TSPAN8: variants seen among roughly 807,000 people sequenced by gnomAD.
TSPAN8 encodes tetraspanin 8, also known as tetraspanin-8.
TSPAN8 carries 21 observed loss-of-function variants against 32.8 expected under a neutral mutation model. That is an observed-to-expected ratio of 0.64 (90% CI 0.45 to 0.92). The LOEUF is 0.92. Ranked by LOEUF, TSPAN8 falls within the 40% of genes least tolerant of loss-of-function variation. The pLI, the probability that TSPAN8 is intolerant of heterozygous loss-of-function variation, is 0.00. For synonymous variants in TSPAN8, 95 were observed against 94.6 expected (o/e 1.00, Z -0.03); for missense variants, 269 against 281.9 (o/e 0.95, Z 0.33).
At chr12:71,157,889 T>C in intron 1 of TSPAN8, 41 bp downstream of exon 1, 1 of 543,594 alleles carries the variant, frequency 1.8e-6, no homozygotes, top group Non-Finnish European at 3.3e-6. Context: ...GCAAAGGCTA[T>C]TAACCCACAC....
At chr12:71,143,573 A>T (rs538684507) in intron 3 of TSPAN8, among the ~76,000 whole-genome samples, 1 of 152,318 alleles carries the variant, frequency 6.6e-6, no homozygotes, top group African/African-American at 2.4e-5. Flanking sequence ...CCAGAGAATT[A>T]CTGAGTTTCA....
At chr12:71,154,541 A>G (rs1872364720) in intron 2 of TSPAN8, among the ~76,000 whole-genome samples, 1 of 152,084 alleles carries the variant, frequency 6.6e-6, no homozygotes, top group African/African-American at 2.4e-5. Context: ...TTAATGAAAC[A>G]CTGACCTCTG....
chr12:71,150,115 C>T (rs1181297926), intron 2 of TSPAN8, among the ~76,000 whole-genome samples: 2 of 152,180 alleles, frequency 1.3e-5, no homozygotes, highest in African/African-American at 4.8e-5. Flanking sequence ...CTGCAGTACC[C>T]TCAGGCTTAC....
chr12:71,149,557 T>C (rs1320110136), intron 2 of TSPAN8, among the ~76,000 whole-genome samples: 1 of 152,216 alleles, frequency 6.6e-6, no homozygotes, highest in Non-Finnish European at 1.5e-5. Flanking sequence ...CCCCATATTG[T>C]TGCAGGAAGT....
rs1435617920 is a variant in TSPAN8, at chr12:71,144,209, C to T, written c.65G>A (p.Cys22Tyr). The T allele has an allele frequency of 6.2e-7, 1 of 1,610,640 alleles. No homozygotes were observed. The change falls in exon 3 of 9, where the codon TGT becomes TAT. Residue 22 changes from cysteine (C) to tyrosine (Y), a missense_variant. Coordinates refer to ENST00000247829, the MANE Select transcript of TSPAN8 (RefSeq NM_004616.3). ...TGCTAATGCTAGGATCAAGATACCA[C>T]ATAGCTGCAGAAAAAAACAAACAAA... is the stretch of plus-strand genomic sequence containing the variant. ...MFTFNFLFWL[C>Y]GILILALAIW...
At chr12:71,140,927 C>T (rs1871884388) in intron 3 of TSPAN8, among the ~76,000 whole-genome samples, 1 of 152,158 alleles carries the variant, frequency 6.6e-6, no homozygotes, top group Non-Finnish European at 1.5e-5. Context: ...TAGGTCAGCT[C>T]CCTTAACAGT....
At position 71,125,405 on chromosome 12, in the gene TSPAN8, A is replaced by T. The variant is rs756540910; in HGVS notation, c.661-18T>A. ...CCCAGTATCTAGAGAACAAAATAAC[A>T]GGATTAACATGGAATTTAAGGGAAA... On this transcript the variant is annotated intron_variant, in intron 8 of 8. Coordinates refer to ENST00000247829, the MANE Select transcript of TSPAN8 (RefSeq NM_004616.3). 3.7e-6 allele frequency: 6 copies of T among 1,604,042 alleles called. No homozygotes were observed. The East Asian group carries it at 1.3e-4, about 36-fold the overall frequency.
At chr12:71,152,928 T>C (rs73341877) in intron 2 of TSPAN8, among the ~76,000 whole-genome samples, 2,561 of 152,340 alleles carry the variant, frequency 0.017, 72 homozygotes, top group African/African-American at 0.058. Context: ...TCCTGGACTC[T>C]CTCCAAGTTC....
At chr12:71,125,811 A>C (rs1871333942) in intron 8 of TSPAN8, among the ~76,000 whole-genome samples, 1 of 152,222 alleles carries the variant, frequency 6.6e-6, no homozygotes, top group South Asian at 2.1e-4. Flanking sequence ...AATCATCTGC[A>C]TAAAAATCAA....
chr12:71,134,472 A>T (rs1302575505), intron 6 of TSPAN8, among the ~76,000 whole-genome samples: 1 of 152,240 alleles, frequency 6.6e-6, no homozygotes, highest in African/African-American at 2.4e-5. Flanking sequence ...GGCAGATACG[A>T]AGTCTTGTAC....
intron 3 of TSPAN8, among the ~76,000 whole-genome samples, chr12:71,143,306 G>A (rs1002717426): frequency 1.1e-4 from 16 of 152,146 alleles, no homozygotes; most frequent in Admixed American, 4.6e-4. Flanking sequence ...ATTATGTTCC[G>A]TAAAACTGAC....
chr12:71,138,455 A>T (rs1488375874), intron 4 of TSPAN8, among the ~76,000 whole-genome samples: 4 of 152,186 alleles, frequency 2.6e-5, no homozygotes, highest in Non-Finnish European at 4.4e-5. Flanking sequence ...CAGGCAAAAA[A>T]ATTATCAAAA....
At chr12:71,133,831 G>T (rs1871597106) in intron 6 of TSPAN8, among the ~76,000 whole-genome samples, 1 of 152,068 alleles carries the variant, frequency 6.6e-6, no homozygotes, top group Non-Finnish European at 1.5e-5. Flanking sequence ...ATGGGAGAAA[G>T]AAAGATAATT....
At chr12:71,137,242 T>C (rs990777179) in intron 6 of TSPAN8, among the ~76,000 whole-genome samples, 4 of 152,278 alleles carry the variant, frequency 2.6e-5, no homozygotes, top group Middle Eastern at 6.8e-3. Flanking sequence ...ATTATACTAC[T>C]GCACTCCAGG....
intron 6 of TSPAN8, among the ~76,000 whole-genome samples, chr12:71,137,065 A>G (rs1266084124): frequency 1.3e-5 from 2 of 151,620 alleles, no homozygotes; most frequent in African/African-American, 4.8e-5. Flanking sequence ...GAGGTCAGGA[A>G]TTTGAGACCA....
rs1182508913 is a variant in TSPAN8 at position 71,157,986 on chromosome 12, G to C, written c.-166C>G. ...CAAGTATGTTCCTTTGCTTGTCATA[G>C]CTCCTGGGGCACTGGGCCAGGATAT... On this transcript the variant is annotated 5_prime_UTR_variant, in exon 1 of 9. Coordinates refer to ENST00000247829, the MANE Select transcript of TSPAN8 (RefSeq NM_004616.3). The C allele has an allele frequency of 3.1e-6, 1 of 318,824 alleles. No individual in the cohort carries two copies. Among genetic ancestry groups the C allele is most frequent in the Admixed American group, 4.4e-5 (1 of 22,826 alleles). 19.7% of individuals were successfully genotyped at this position (318,824 alleles called of 1,614,324 possible). A position where few individuals can be genotyped will look rare whatever the true frequency, so the allele number is the denominator to read the frequency against.
chr12:71,144,312 C>G, intron 2 of TSPAN8, 99 bp from the exon 3 acceptor site: 1 of 1,013,096 alleles, frequency 9.9e-7, no homozygotes, highest in Non-Finnish European at 1.5e-6. Flanking sequence ...AGTTCATCAT[C>G]GACTATACTA....
At chr12:71,151,369 G>A (rs1872250795) in intron 2 of TSPAN8, among the ~76,000 whole-genome samples, 1 of 152,082 alleles carries the variant, frequency 6.6e-6, no homozygotes, top group African/African-American at 2.4e-5. Context: ...GGTCTCATGT[G>A]CATCTTCTAA....
intron 7 of TSPAN8, among the ~76,000 whole-genome samples, 186 bp downstream of exon 7, chr12:71,132,506 TC>T (rs2137047660): frequency 6.6e-6 from 1 of 152,322 alleles, no homozygotes; most frequent in East Asian, 1.9e-4. Context: ...GATGCCAGAC[TC>T]ATAGAAGAAA....
Sources: allele counts gnomAD v4.1 joint callset (sites outside exome capture counted in the v4.1 genomes callset), GRCh38; gene constraint gnomAD v4.1.1; transcripts MANE v1.5; gene names NCBI Gene and HGNC (gene_info 2026-07-23, HGNC 2026-07-21).